Variants in LRRC37A2 observed in about 807,000 individuals in gnomAD.
LRRC37A2 encodes the protein leucine-rich repeat-containing protein 37A2.
A neutral mutation model predicts 68.8 loss-of-function variants in LRRC37A2; 9 were observed. The observed-to-expected ratio is 0.13, with a 90% CI of 0.08 to 0.23. LRRC37A2 has a LOEUF of 0.23. LRRC37A2 is among the 10% of genes least tolerant of loss of function. LRRC37A2 has a pLI of 1.00. For missense variants in LRRC37A2, 168 were observed against 950.4 expected (o/e 0.18, Z 10.82); for synonymous variants, 63 against 367.6 (o/e 0.17, Z 9.48).
At chr17:46,748,586 A>G in the LRRC37A2 span, among the ~76,000 whole-genome samples, 1 of 152,202 alleles carries the variant, frequency 6.6e-6, no homozygotes, top group Admixed American at 6.5e-5. Flanking sequence ...AGGAAAAGGA[A>G]GGCTGGGATA....
chr17:46,853,001 T>C, the LRRC37A2 span, among the ~76,000 whole-genome samples: 1 of 152,186 alleles, frequency 6.6e-6, no homozygotes, highest in African/African-American at 2.4e-5. Context: ...ACTCAGTCTC[T>C]GGGCCTCACT....
At chr17:46,932,027 T>TGAGTTCCTCAGCA in the LRRC37A2 span, 1 of 1,606,318 alleles carries the variant, frequency 6.2e-7, no homozygotes, top group Non-Finnish European at 8.5e-7. Context: ...TCTGCTGCCC[T>TGAGTTCCTCAGCA]GAGTTCCTGG....
At chr17:46,807,866 A>G in the LRRC37A2 span, among the ~76,000 whole-genome samples, 1 of 152,364 alleles carries the variant, frequency 6.6e-6, no homozygotes, top group African/African-American at 2.4e-5. Context: ...CAGGACATAA[A>G]GGGAAGCATG....
At chr17:46,897,118 A>G in the LRRC37A2 span, among the ~76,000 whole-genome samples, 1 of 152,212 alleles carries the variant, frequency 6.6e-6, no homozygotes, top group Non-Finnish European at 1.5e-5. Context: ...TCGAGTACCA[A>G]GAACGCTTGA....
the LRRC37A2 span, among the ~76,000 whole-genome samples, chr17:47,037,501 C>G: frequency 6.6e-6 from 1 of 152,198 alleles, no homozygotes; most frequent in African/African-American, 2.4e-5. Flanking sequence ...TTCATGTTTA[C>G]AGAATACTCT....
At chr17:47,012,935 T>C in the LRRC37A2 span, among the ~76,000 whole-genome samples, 5 of 152,302 alleles carry the variant, frequency 3.3e-5, no homozygotes, top group Non-Finnish European at 4.4e-5. Context: ...TTATTCACGA[T>C]AGCCAAAAAT....
the LRRC37A2 span, among the ~76,000 whole-genome samples, chr17:46,381,774 A>AT: frequency 3.9e-4 from 23 of 58,906 alleles, no homozygotes; most frequent in African/African-American, 8.9e-4. Flanking sequence ...TTTCCAACTT[A>AT]TTTTTTTTTA....
the LRRC37A2 span, among the ~76,000 whole-genome samples, chr17:46,969,871 C>T: frequency 6.6e-6 from 1 of 152,166 alleles, no homozygotes; most frequent in African/African-American, 2.4e-5. Flanking sequence ...TCCCCTTGCC[C>T]CCTCTCTGGT....
chr17:46,936,894 T>G, the LRRC37A2 span: 1 of 894,232 alleles, frequency 1.1e-6, no homozygotes, highest in Non-Finnish European at 1.3e-6. Flanking sequence ...GATTTTGGAT[T>G]CCTGTCCATG....
At chr17:46,710,146 C>G in the LRRC37A2 span, among the ~76,000 whole-genome samples, 1 of 152,118 alleles carries the variant, frequency 6.6e-6, no homozygotes, top group African/African-American at 2.4e-5. Context: ...TTGAAATTCT[C>G]AAGATACATG....
At chr17:46,939,178 TGGAAA>T in the LRRC37A2 span, 20 of 1,090,646 alleles carry the variant, frequency 1.8e-5, no homozygotes, top group East Asian at 6.4e-5. Context: ...GGAGCAAAAG[TGGAAA>T]GGAAAGGAAA....
At chr17:46,975,974 T>A in the LRRC37A2 span, among the ~76,000 whole-genome samples, 1 of 152,090 alleles carries the variant, frequency 6.6e-6, no homozygotes, top group Non-Finnish European at 1.5e-5. Context: ...TCGCCCAGGC[T>A]GGAGTGCAGT....
At chr17:46,991,377 A>G in the LRRC37A2 span, among the ~76,000 whole-genome samples, 2 of 152,200 alleles carry the variant, frequency 1.3e-5, no homozygotes, top group African/African-American at 4.8e-5. Flanking sequence ...CTGTAATCCC[A>G]GGACTTTGGG....
the LRRC37A2 span, among the ~76,000 whole-genome samples, chr17:46,744,894 T>C: frequency 6.6e-6 from 1 of 152,248 alleles, no homozygotes. Flanking sequence ...CTAATACTTA[T>C]TTAACCTTGG....
the LRRC37A2 span, among the ~76,000 whole-genome samples, chr17:47,032,833 A>T: frequency 6.6e-6 from 1 of 152,294 alleles, no homozygotes; most frequent in East Asian, 1.9e-4. Context: ...ATTCAAACCC[A>T]GGTCTGCCAG....
the LRRC37A2 span, among the ~76,000 whole-genome samples, chr17:47,016,259 A>G: frequency 6.6e-6 from 1 of 151,620 alleles, no homozygotes; most frequent in Admixed American, 6.6e-5. Flanking sequence ...TCAATTTTAA[A>G]GCCATCACTA....
chr17:46,902,742 A>C, the LRRC37A2 span, among the ~76,000 whole-genome samples: 3 of 152,144 alleles, frequency 2.0e-5, no homozygotes, highest in Non-Finnish European at 4.4e-5. Context: ...GTGAGTAGCC[A>C]ACCCTGTGGT....
the LRRC37A2 span, among the ~76,000 whole-genome samples, chr17:46,879,872 G>T: frequency 6.6e-6 from 1 of 152,214 alleles, no homozygotes; most frequent in African/African-American, 2.4e-5. Flanking sequence ...GGCTTTGGCT[G>T]CCTGAGAAGG....
At chr17:46,728,995 A>G in the LRRC37A2 span, 5 of 1,018,884 alleles carry the variant, frequency 4.9e-6, no homozygotes, top group African/African-American at 3.3e-5. Context: ...AATCGCATAT[A>G]ATGATACAAT....
Sources: gnomAD v4.1 joint callset for allele counts (sites outside exome capture counted in the v4.1 genomes callset) on GRCh38, gnomAD v4.1.1 for gene constraint, MANE v1.5 for transcripts, NCBI Gene and HGNC (gene_info 2026-07-23, HGNC 2026-07-21) for gene names.